SLC9A4: variants seen among roughly 807,000 people sequenced by gnomAD.
The protein encoded by SLC9A4 is solute carrier family 9 member A4.
In SLC9A4, 63 loss-of-function variants were observed where a neutral mutation model predicts 67.4. That is an observed-to-expected ratio of 0.93 (90% CI 0.76 to 1.15). The LOEUF (loss-of-function observed/expected upper bound fraction) is 1.15, where lower values mean the gene tolerates loss of function less well. Ranked by LOEUF, SLC9A4 falls within the 50% of genes most tolerant of loss-of-function variation. The pLI is 0.00. For synonymous variants in SLC9A4, 393 were observed against 367.2 expected (o/e 1.07, Z -0.80); for missense variants, 1,089 against 987.7 (o/e 1.10, Z -1.38).
At position 102,513,284 on chromosome 2, in the gene SLC9A4, C is replaced by T. The variant is rs1685204199; in HGVS notation, c.1560-806C>T. ...CCCTAACCCTGGAGGGGCTTAGCAC[C>T]TCACAGACCAGGAAACCAATTGCCA... On this transcript the variant is annotated intron_variant, in intron 7 of 11. Transcript: ENST00000295269. Among the ~76,000 whole-genome samples, 3 of 152,196 alleles carry T rather than the reference C, an allele frequency of 2.0e-5. No homozygotes were observed. In the South Asian group the frequency reaches 6.2e-4, roughly 32 times the overall value.
intron 8 of SLC9A4, among the ~76,000 whole-genome samples, chr2:102,515,829 G>A (rs1327906768): frequency 6.6e-6 from 1 of 152,046 alleles, no homozygotes; most frequent in Non-Finnish European, 1.5e-5. Context: ...AGCAGACACA[G>A]GCCTTGCCCT....
intron 2 of SLC9A4, among the ~76,000 whole-genome samples, chr2:102,498,715 T>G (rs1174253100): frequency 6.6e-6 from 1 of 152,216 alleles, no homozygotes; most frequent in African/African-American, 2.4e-5. Context: ...ACACAACCAC[T>G]GAGATTCTTT....
At position 102,532,866 on chromosome 2, in the gene SLC9A4, C is replaced by G; in HGVS notation, c.*178C>G. 1 of 617,790 alleles carries G rather than the reference C, an allele frequency of 1.6e-6. No homozygotes were observed. The highest frequency in any genetic ancestry group is 2.8e-6 in the Non-Finnish European group (1 of 362,792). The allele number at this position is 617,790 out of a possible 1,614,324, so 38.3% of individuals were successfully genotyped here. A position where few individuals can be genotyped will look rare whatever the true frequency, so the allele number is the denominator to read the frequency against. ...CAAGGACTGGGAGCAAACTTGCAGG[C>G]TCTGCCATGTACTTATTGTGGGGTA... On this transcript the variant is annotated 3_prime_UTR_variant, in exon 12 of 12. Coordinates refer to ENST00000295269, the MANE Select transcript of SLC9A4 (RefSeq NM_001011552.4).
At chr2:102,516,858 G>A (rs1437128912) in intron 8 of SLC9A4, among the ~76,000 whole-genome samples, 1 of 152,112 alleles carries the variant, frequency 6.6e-6, no homozygotes, top group African/African-American at 2.4e-5. Flanking sequence ...TTTAATTAAA[G>A]TGATATTAAA....
At chr2:102,486,736 T>C (rs1684596724) in intron 2 of SLC9A4, among the ~76,000 whole-genome samples, 1 of 152,122 alleles carries the variant, frequency 6.6e-6, no homozygotes, top group Admixed American at 6.5e-5. Context: ...TAATCTGACT[T>C]CAAAGGGTGA....
Position 102,526,325 on chromosome 2 carries a change from A to G in SLC9A4, c.2017A>G (p.Thr673Ala). 6.2e-7 allele frequency: 1 copy of G among 1,613,874 alleles called. No homozygotes were observed. Reference protein sequence around the residue: ...YGNPQSAGRDTRAAGFSDDDS... With the variant: ...YGNPQSAGRDARAAGFSDDDS... ...GAATCCTCAGTCTGCAGGAAGAGACACAAGGGCTGCTGGGTTCTCAGGTAA... is the reference window on the plus strand; with the variant it reads ...GAATCCTCAGTCTGCAGGAAGAGACGCAAGGGCTGCTGGGTTCTCAGGTAA... The change falls in exon 11 of 12, where the codon ACA becomes GCA. Residue 673 changes from threonine (T) to alanine (A), a missense_variant. Coordinates refer to ENST00000295269, the MANE Select transcript of SLC9A4 (RefSeq NM_001011552.4).
chr2:102,482,080 T>C (rs1298510574), intron 2 of SLC9A4, among the ~76,000 whole-genome samples: 1 of 152,248 alleles, frequency 6.6e-6, no homozygotes, highest in African/African-American at 2.4e-5. Context: ...ATCATCAGGC[T>C]GGTGCATTCT....
At chr2:102,526,173 CCA>C (rs1674661184) in intron 10 of SLC9A4, 84 bp from the exon 11 acceptor site, 3 of 1,400,272 alleles carry the variant, frequency 2.1e-6, no homozygotes, top group East Asian at 2.4e-5. Context: ...CAGGCGTGAG[CCA>C]CAGTGTCTGG....
At position 102,478,991 on chromosome 2, in the gene SLC9A4, C is replaced by T; in HGVS notation, c.409C>T (p.Pro137Ser). 6.2e-7 allele frequency: 1 copy of T among 1,614,146 alleles called. No individual in the cohort carries two copies. Among genetic ancestry groups the T allele is most frequent in the East Asian group, 2.2e-5 (1 of 44,868 alleles). Residue 137 changes from proline (P) to serine (S), a missense_variant, in exon 2 of 12, where the codon CCC (proline) becomes TCC (serine). Transcript: ENST00000295269. ...CATCTACTTCCTGTATCTCCTGCCA[C>T]CCATCGTTCTGGAGGGCGGCTACTT... is the stretch of plus-strand genomic sequence containing the variant. Reference protein sequence around the residue: ...SSIYFLYLLPPIVLEGGYFMP... With the variant: ...SSIYFLYLLPSIVLEGGYFMP...
intron 7 of SLC9A4, among the ~76,000 whole-genome samples, chr2:102,512,949 A>G (rs911308917): frequency 4.2e-5 from 6 of 143,410 alleles, no homozygotes; most frequent in African/African-American, 1.6e-4. Flanking sequence ...GCTGGCAGCG[A>G]AGCACGAGCG....
chr2:102,477,452 C>T (rs1684358481), intron 1 of SLC9A4, among the ~76,000 whole-genome samples: 1 of 152,218 alleles, frequency 6.6e-6, no homozygotes, highest in Non-Finnish European at 1.5e-5. Flanking sequence ...AATAAGCCAG[C>T]TGTTGTGGAC....
At chr2:102,514,847 A>T (rs886650874) in intron 8 of SLC9A4, among the ~76,000 whole-genome samples, 23 of 152,200 alleles carry the variant, frequency 1.5e-4, no homozygotes, top group African/African-American at 5.3e-4. Flanking sequence ...AGTTGCCTGG[A>T]TTCCTGGGGA....
chr2:102,485,197 CA>C, intron 2 of SLC9A4, among the ~76,000 whole-genome samples: 1 of 152,282 alleles, frequency 6.6e-6, no homozygotes, highest in East Asian at 1.9e-4. Context: ...TAAGTTTCTT[CA>C]CTGTTATTTT....
At chr2:102,493,475 T>G (rs1684745918) in intron 2 of SLC9A4, among the ~76,000 whole-genome samples, 1 of 151,810 alleles carries the variant, frequency 6.6e-6, no homozygotes, top group Non-Finnish European at 1.5e-5. Flanking sequence ...CAAGAGAGCA[T>G]GTACAGGGAA....
At chr2:102,518,479 T>C (rs540445756) in intron 8 of SLC9A4, among the ~76,000 whole-genome samples, 4 of 152,308 alleles carry the variant, frequency 2.6e-5, no homozygotes, top group African/African-American at 7.2e-5. Context: ...CTGATAATAA[T>C]GTTTAGATCA....
At chr2:102,507,897 G>C (rs559534334) in intron 4 of SLC9A4, among the ~76,000 whole-genome samples, 182 bp from the exon 5 acceptor site, 50 of 152,126 alleles carry the variant, frequency 3.3e-4, no homozygotes, top group Non-Finnish European at 6.9e-4. Flanking sequence ...AAGTGCTACT[G>C]TCTCACAACT....
intron 6 of SLC9A4, among the ~76,000 whole-genome samples, chr2:102,509,278 G>C (rs886529153): frequency 6.6e-6 from 1 of 152,150 alleles, no homozygotes; most frequent in Non-Finnish European, 1.5e-5. Context: ...TTCAGAGCCT[G>C]CAAAGGCTGC....
In SLC9A4 at chr2:102,479,273, G is replaced by A. The variant is rs761408615; in HGVS notation, c.691G>A (p.Glu231Lys). ...NEQLYMMIFG[E>K]ALLNDGITVV... Reference sequence around the variant, plus strand: ...GCAGCTCTACATGATGATCTTTGGGGAGGCCCTGCTCAATGATGGCATTAC... The same window carrying A: ...GCAGCTCTACATGATGATCTTTGGGAAGGCCCTGCTCAATGATGGCATTAC... Residue 231 changes from glutamate to lysine, a missense_variant, in exon 2 of 12, where the codon GAG (glutamate) becomes AAG (lysine). Physicochemically the swap from Glu to Lys is moderately conservative, Grantham distance 56. Transcript: ENST00000295269. The A allele has an allele frequency of 2.7e-5, 43 of 1,612,702 alleles. No individual in the cohort carries two copies. Among genetic ancestry groups the A allele is most frequent in the Non-Finnish European group, 3.3e-5 (39 of 1,179,542 alleles).
intron 6 of SLC9A4, among the ~76,000 whole-genome samples, 161 bp from the exon 7 acceptor site, chr2:102,512,042 G>C (rs914490868): frequency 2.0e-5 from 3 of 152,126 alleles, no homozygotes; most frequent in Non-Finnish European, 2.9e-5. Context: ...AAATTACTAT[G>C]AAAGGCACCA....
Sources: allele counts gnomAD v4.1 joint callset (sites outside exome capture counted in the v4.1 genomes callset), GRCh38; gene constraint gnomAD v4.1.1; transcripts MANE v1.5; gene names NCBI Gene and HGNC (gene_info 2026-07-23, HGNC 2026-07-21).